Variants in MORC1 observed in about 807,000 individuals in gnomAD.
MORC1 encodes MORC family CW-type zinc finger 1.
MORC1 carries 59 observed loss-of-function variants against 134.9 expected under a neutral mutation model. That is an observed-to-expected ratio of 0.44 (90% CI 0.35 to 0.54). The LOEUF (loss-of-function observed/expected upper bound fraction) is 0.54. MORC1 is among the 20% of genes least tolerant of loss of function. The probability of loss-of-function intolerance (pLI) is 0.00; values close to 1 mark genes in which losing one functional copy is unlikely to be tolerated. For missense variants in MORC1, 947 were observed against 1,134.5 expected, an observed-to-expected ratio of 0.83 and a Z score of 2.37; for synonymous variants, 395 against 391.7, an observed-to-expected ratio of 1.01 and a Z score of -0.10.
chr3:108,991,247 G>C (rs1434736676), intron 21 of MORC1, among the ~76,000 whole-genome samples: 1 of 152,206 alleles, frequency 6.6e-6, no homozygotes, highest in Non-Finnish European at 1.5e-5. Context: ...ACACTGTAGA[G>C]GCCAAGAGAA....
chr3:109,097,515 AAG>A (rs1235313132), intron 6 of MORC1, among the ~76,000 whole-genome samples: 1 of 152,158 alleles, frequency 6.6e-6, no homozygotes, highest in African/African-American at 2.4e-5. Context: ...GATGACACAG[AAG>A]AGAGGGGAAG....
intron 14 of MORC1, among the ~76,000 whole-genome samples, chr3:109,039,296 T>C (rs1041763365): frequency 6.6e-6 from 1 of 152,204 alleles, no homozygotes; most frequent in Non-Finnish European, 1.5e-5. Flanking sequence ...GAAACATGGA[T>C]TTGAGTGCTG....
chr3:108,983,113 T>C (rs1372060744), intron 23 of MORC1, among the ~76,000 whole-genome samples: 2 of 152,134 alleles, frequency 1.3e-5, no homozygotes, highest in African/African-American at 4.8e-5. Flanking sequence ...CACAAATGTG[T>C]TTTAGTTTTT....
At chr3:109,032,649 T>A in intron 16 of MORC1, 71 bp downstream of exon 16, 1 of 1,071,776 alleles carries the variant, frequency 9.3e-7, no homozygotes, top group East Asian at 2.6e-5. Context: ...GATTGACATT[T>A]TCAAGGTTCA....
At chr3:109,004,732 G>C in intron 20 of MORC1, 85 bp downstream of exon 20, 1 of 1,276,368 alleles carries the variant, frequency 7.8e-7, no homozygotes, top group South Asian at 1.3e-5. Context: ...TTCCTATAAA[G>C]CATTGAATGC....
chr3:109,041,664 T>C (rs1250427319), intron 14 of MORC1, among the ~76,000 whole-genome samples: 2 of 152,108 alleles, frequency 1.3e-5, no homozygotes, highest in Non-Finnish European at 2.9e-5. Context: ...CTGGCTAACA[T>C]GGCGAAACCA....
chr3:109,013,788 G>C (rs977020411), intron 17 of MORC1, among the ~76,000 whole-genome samples: 2 of 152,120 alleles, frequency 1.3e-5, no homozygotes, highest in African/African-American at 4.8e-5. Context: ...AGTGTTGGGA[G>C]GTGGGGCCTA....
chr3:108,990,301 T>TGA (rs1948010862), intron 21 of MORC1, among the ~76,000 whole-genome samples: 1 of 152,036 alleles, frequency 6.6e-6, no homozygotes, highest in Non-Finnish European at 1.5e-5. Flanking sequence ...ATAACACAGG[T>TGA]GAGAGAGAGT....
intron 8 of MORC1, 22 bp downstream of exon 8, chr3:109,093,414 A>C (rs745451568): frequency 1.9e-6 from 3 of 1,577,528 alleles, no homozygotes; most frequent in Non-Finnish European, 2.6e-6. Context: ...GTTGAAAAAC[A>C]TTCTGTCAAA....
chr3:108,985,926 A>T (rs548698615), intron 22 of MORC1, among the ~76,000 whole-genome samples: 22 of 152,308 alleles, frequency 1.4e-4, no homozygotes, highest in Admixed American at 1.4e-3. Flanking sequence ...AAGATGAAAA[A>T]GAAAAAGTGT....
In MORC1 at chr3:108,966,514, A is replaced by C. The variant is rs142078055; in HGVS notation, c.2605-2906T>G. Among the ~76,000 whole-genome samples the C allele has an allele frequency of 1.7e-3, 262 of 152,306 alleles. 2 individuals carry two copies. Among genetic ancestry groups the C allele is most frequent in the African/African-American group, 5.9e-3 (245 of 41,590 alleles). On this transcript the variant is annotated intron_variant, in intron 26 of 27. Transcript: ENST00000232603. Reference sequence around the variant, plus strand: ...AAAGGCACTGGTTGAATGCTGCTAGAATACAGAGTTTGATGACAGGATTAT... The same window carrying C: ...AAAGGCACTGGTTGAATGCTGCTAGCATACAGAGTTTGATGACAGGATTAT...
At chr3:108,979,761 C>G (rs1313970556) in intron 23 of MORC1, 94 bp from the exon 24 acceptor site, 21 of 1,426,110 alleles carry the variant, frequency 1.5e-5, no homozygotes, top group Non-Finnish European at 2.0e-5. Context: ...TCATATACAA[C>G]AAATGAGAAC....
intron 6 of MORC1, among the ~76,000 whole-genome samples, chr3:109,097,619 G>A (rs1950852946): frequency 2.0e-5 from 3 of 152,160 alleles, no homozygotes; most frequent in Non-Finnish European, 4.4e-5. Flanking sequence ...ACAGGAGAAA[G>A]CCCTGAGCAG....
At chr3:108,991,608 T>C (rs1272396217) in intron 21 of MORC1, among the ~76,000 whole-genome samples, 1 of 152,216 alleles carries the variant, frequency 6.6e-6, no homozygotes, top group Non-Finnish European at 1.5e-5. Context: ...AAGGAACCTA[T>C]TAAAATTTCT....
At chr3:109,089,767 A>G (rs1229162693) in intron 8 of MORC1, among the ~76,000 whole-genome samples, 1 of 152,172 alleles carries the variant, frequency 6.6e-6, no homozygotes, top group Non-Finnish European at 1.5e-5. Flanking sequence ...TTCTGTCATT[A>G]GCCCACTTTC....
chr3:109,097,514 G>A (rs979533154), intron 6 of MORC1, among the ~76,000 whole-genome samples: 1 of 152,170 alleles, frequency 6.6e-6, no homozygotes, highest in South Asian at 2.1e-4. Flanking sequence ...AGATGACACA[G>A]AAGAGAGGGG....
At chr3:109,095,672 T>C (rs555177383) in intron 6 of MORC1, among the ~76,000 whole-genome samples, 4 of 152,054 alleles carry the variant, frequency 2.6e-5, no homozygotes, top group Non-Finnish European at 4.4e-5. Flanking sequence ...ATAGACCGAG[T>C]GAAAGTATAC....
intron 14 of MORC1, 24 bp downstream of exon 14, chr3:109,054,704 C>A (rs758727825): frequency 4.0e-6 from 6 of 1,491,510 alleles, no homozygotes; most frequent in Non-Finnish European, 5.3e-6. Context: ...TAAGTATCTC[C>A]TACTATGACT....
intron 18 of MORC1, among the ~76,000 whole-genome samples, chr3:109,005,681 C>T (rs1948522102): frequency 1.3e-5 from 2 of 152,162 alleles, no homozygotes; most frequent in Admixed American, 6.5e-5. Context: ...GCTTCCTGCC[C>T]CTTGCTAGCT....
Sources: allele counts gnomAD v4.1 joint callset (sites outside exome capture counted in the v4.1 genomes callset), GRCh38; gene constraint gnomAD v4.1.1; transcripts MANE v1.5; gene names NCBI Gene and HGNC (gene_info 2026-07-23, HGNC 2026-07-21).